The following PIK3C2G variants were observed in gnomAD, a reference collection of about 807,000 sequenced individuals.
PIK3C2G encodes phosphatidylinositol 3-kinase C2 domain-containing subunit gamma.
PIK3C2G carries 168 observed loss-of-function variants against 181.1 expected under a neutral mutation model. That is an observed-to-expected ratio of 0.93 (90% CI 0.82 to 1.05). The LOEUF is 1.05. Among genes scored for constraint, PIK3C2G ranks in the 50% least tolerant of loss-of-function variants. The probability of loss-of-function intolerance (pLI) is 0.00; values close to 1 mark genes in which losing one functional copy is unlikely to be tolerated. For missense variants in PIK3C2G, 1,869 were observed against 1,732.8 expected, an observed-to-expected ratio of 1.08 and a Z score of -1.40; for synonymous variants, 573 against 592.2, an observed-to-expected ratio of 0.97 and a Z score of 0.47.
intron 18 of PIK3C2G, among the ~76,000 whole-genome samples, chr12:18,428,488 A>T (rs1945965063): frequency 6.6e-6 from 1 of 152,044 alleles, no homozygotes; most frequent in Admixed American, 6.6e-5. Flanking sequence ...CTTGTTTCTC[A>T]CTAACATGAC....
At chr12:18,577,497 ATTGTT>A (rs1242123715) in intron 29 of PIK3C2G, among the ~76,000 whole-genome samples, 2 of 152,284 alleles carry the variant, frequency 1.3e-5, no homozygotes, top group South Asian at 2.1e-4. Context: ...CAGGCACTAC[ATTGTT>A]TTTATATTGA....
intron 29 of PIK3C2G, among the ~76,000 whole-genome samples, chr12:18,590,555 G>A (rs1047715348): frequency 1.3e-5 from 2 of 151,816 alleles, no homozygotes; most frequent in Admixed American, 1.3e-4. Context: ...ACTGCTTAGA[G>A]GTCAATACCA....
At chr12:18,450,400 A>G (rs1246953696) in intron 18 of PIK3C2G, among the ~76,000 whole-genome samples, 1 of 152,234 alleles carries the variant, frequency 6.6e-6, no homozygotes, top group Non-Finnish European at 1.5e-5. Context: ...GGCTGGGATC[A>G]CAGGTGTGAG....
intron 4 of PIK3C2G, 141 bp downstream of exon 4, chr12:18,291,153 G>A: frequency 3.6e-6 from 2 of 548,586 alleles, no homozygotes; most frequent in South Asian, 3.2e-5. Flanking sequence ...AAAACATCAG[G>A]GATCCATTTG....
chr12:18,264,591 A>AT (rs1165605693), intron 1 of PIK3C2G, among the ~76,000 whole-genome samples: 1 of 150,540 alleles, frequency 6.6e-6, no homozygotes, highest in Non-Finnish European at 1.5e-5. Flanking sequence ...TTGTTGTGAT[A>AT]TTTTTTGCTT....
intron 1 of PIK3C2G, among the ~76,000 whole-genome samples, chr12:18,267,481 G>A (rs1032130956): frequency 6.6e-6 from 1 of 151,968 alleles, no homozygotes; most frequent in African/African-American, 2.4e-5. Context: ...TTTATTTCTT[G>A]CAGAATATTT....
intron 29 of PIK3C2G, among the ~76,000 whole-genome samples, chr12:18,591,165 G>C (rs1947056897): frequency 6.6e-6 from 1 of 151,852 alleles, no homozygotes; most frequent in African/African-American, 2.4e-5. Flanking sequence ...CTTAAAAGTA[G>C]ACTTCTATTA....
chr12:18,271,617 C>T (rs1385118936), intron 1 of PIK3C2G, among the ~76,000 whole-genome samples: 3 of 152,116 alleles, frequency 2.0e-5, no homozygotes, highest in Non-Finnish European at 4.4e-5. Context: ...TATTATTTTT[C>T]TCCTACCTCT....
intron 11 of PIK3C2G, among the ~76,000 whole-genome samples, chr12:18,359,464 T>C (rs1203066868): frequency 6.6e-6 from 1 of 152,184 alleles, no homozygotes; most frequent in Non-Finnish European, 1.5e-5. Context: ...GTCTATAGCG[T>C]TGTTCTAATC....
the PIK3C2G span, among the ~76,000 whole-genome samples, chr12:18,671,662 A>G: frequency 1.3e-5 from 2 of 152,320 alleles, no homozygotes; most frequent in Middle Eastern, 3.4e-3. Flanking sequence ...AAAAAATTTC[A>G]TTATTGCAGA....
the PIK3C2G span, among the ~76,000 whole-genome samples, chr12:18,721,655 T>C: frequency 6.7e-6 from 1 of 150,052 alleles, no homozygotes; most frequent in Non-Finnish European, 1.5e-5. Context: ...GGCAATGACA[T>C]AAAGAGCTTG....
At chr12:18,475,905 T>C (rs1356676378) in intron 18 of PIK3C2G, among the ~76,000 whole-genome samples, 2 of 152,126 alleles carry the variant, frequency 1.3e-5, no homozygotes, top group Admixed American at 6.6e-5. Flanking sequence ...TTTAGGAAGA[T>C]GGGATTTATT....
downstream of PIK3C2G, among the ~76,000 whole-genome samples, chr12:18,650,734 A>C (rs574813137): frequency 1.4e-4 from 4 of 28,116 alleles, no homozygotes; most frequent in South Asian, 7.4e-4. Context: ...ATATATATAT[A>C]TATATATATA....
chr12:18,654,414 GC>G, the PIK3C2G span, among the ~76,000 whole-genome samples: 17,518 of 151,874 alleles, frequency 0.12, 1,266 homozygotes, highest in African/African-American at 0.2. Context: ...TAAAGTATCA[GC>G]ATTATTGTAA....
intron 26 of PIK3C2G, 84 bp from the exon 27 acceptor site, chr12:18,562,618 GA>G: frequency 1.2e-6 from 1 of 818,198 alleles, no homozygotes; most frequent in Non-Finnish European, 1.9e-6. Flanking sequence ...CCCTCATACT[GA>G]CAAACACAAG....
At chr12:18,650,696 G>GTATATATATATA (rs1950431208), downstream of PIK3C2G, among the ~76,000 whole-genome samples, 1 of 43,704 alleles carries the variant, frequency 2.3e-5, no homozygotes, top group Non-Finnish European at 3.6e-5. Flanking sequence ...GTGTGTGTGT[G>GTATATATATATA]TGTGTGTGTA....
rs558574404 is a variant in PIK3C2G at position 18,450,520 on chromosome 12, CCTT to C, written c.2504+26484_2504+26486del. Among the ~76,000 whole-genome samples the C allele has an allele frequency of 2.8e-3, 422 of 152,284 alleles. 8 individuals carry two copies. Among genetic ancestry groups the C allele is most frequent in the East Asian group, 1.4e-3 (7 of 5,174 alleles). On this transcript the variant is annotated intron_variant, in intron 18 of 32. Coordinates refer to ENST00000538779, the MANE Select transcript of PIK3C2G (RefSeq NM_001288772.2). ...TGGGTAGATTGCAAAAATGTTCCCT[CCTT>C]CTGTACATTTCCTGTTCACTCTGAT...
Position 18,430,515 on chromosome 12 carries a change from A to G in PIK3C2G, c.2504+6476A>G, listed in dbSNP as rs182925095. Among the ~76,000 whole-genome samples, 797 of 152,340 alleles carry G rather than the reference A, an allele frequency of 5.2e-3. 3 individuals carry two copies. The highest frequency in any genetic ancestry group is 8.5e-3 in the Non-Finnish European group (579 of 68,034). The stretch of plus-strand genomic sequence containing the variant: ...CTGATATATCACAAGTACCTAGAAC[A>G]GTACTTGGCACTTTATAGACATTCA... On this transcript the variant is annotated intron_variant, in intron 18 of 32. Transcript: ENST00000538779.
intron 15 of PIK3C2G, among the ~76,000 whole-genome samples, chr12:18,397,441 T>C (rs1006986850): frequency 1.3e-5 from 2 of 151,904 alleles, no homozygotes; most frequent in Non-Finnish European, 1.5e-5. Flanking sequence ...AAAGAAATCA[T>C]GCAAATGAAT....
Sources: allele counts gnomAD v4.1 joint callset (sites outside exome capture counted in the v4.1 genomes callset), GRCh38; gene constraint gnomAD v4.1.1; transcripts MANE v1.5; gene names NCBI Gene and HGNC (gene_info 2026-07-23, HGNC 2026-07-21).